Variants in SH3RF3 observed in about 807,000 individuals in gnomAD.
The protein encoded by SH3RF3 is SH3 domain containing ring finger 3.
A neutral mutation model predicts 66.3 loss-of-function variants in SH3RF3; 29 were observed. The observed-to-expected ratio is 0.44, with a 90% CI of 0.33 to 0.60. The LOEUF is 0.60. SH3RF3 is among the 20% of genes least tolerant of loss of function. The pLI is 0.04. For synonymous variants in SH3RF3, 583 were observed against 532.0 expected (o/e 1.10, Z -1.32); for missense variants, 1,194 against 1,190.9 (o/e 1.00, Z -0.04).
chr2:109,150,724 C>T (rs1395412566), intron 1 of SH3RF3, among the ~76,000 whole-genome samples: 5 of 152,024 alleles, frequency 3.3e-5, no homozygotes, highest in Non-Finnish European at 7.4e-5. Flanking sequence ...TTTCACAGAG[C>T]AGGAAGTGGA....
intron 1 of SH3RF3, among the ~76,000 whole-genome samples, chr2:109,152,756 G>T (rs376366938): frequency 2.0e-5 from 3 of 152,262 alleles, no homozygotes; most frequent in African/African-American, 7.2e-5. Context: ...AGGGGCGGGG[G>T]GGACCCAGTG....
chr2:109,153,065 A>G (rs1677259185), intron 1 of SH3RF3, among the ~76,000 whole-genome samples: 1 of 152,206 alleles, frequency 6.6e-6, no homozygotes, highest in Non-Finnish European at 1.5e-5. Flanking sequence ...GACCATCTGC[A>G]AAGACAAGAC....
intron 1 of SH3RF3, among the ~76,000 whole-genome samples, chr2:109,274,995 GC>G (rs779499784): frequency 6.6e-6 from 1 of 152,084 alleles, no homozygotes; most frequent in Non-Finnish European, 1.5e-5. Flanking sequence ...CAATAAAAGA[GC>G]TAGTTCTAAG....
chr2:109,347,529 A>T, intron 1 of SH3RF3, 145 bp from the exon 2 acceptor site: 1 of 1,113,168 alleles, frequency 9.0e-7, no homozygotes, highest in Non-Finnish European at 1.3e-6. Flanking sequence ...CTGTTTCTTT[A>T]AAATATTTTC....
intron 1 of SH3RF3, among the ~76,000 whole-genome samples, chr2:109,314,013 G>C (rs1681804209): frequency 6.6e-6 from 1 of 152,182 alleles, no homozygotes; most frequent in African/African-American, 2.4e-5. Flanking sequence ...GGAGTACCAG[G>C]CTGTGGGACA....
At chr2:109,144,122 G>T (rs1467378071) in intron 1 of SH3RF3, among the ~76,000 whole-genome samples, 1 of 152,204 alleles carries the variant, frequency 6.6e-6, no homozygotes, top group Non-Finnish European at 1.5e-5. Context: ...GAGTTCTACT[G>T]TGCAGCATGG....
At chr2:109,440,882 G>A (rs1448273690) in intron 7 of SH3RF3, among the ~76,000 whole-genome samples, 1 of 152,114 alleles carries the variant, frequency 6.6e-6, no homozygotes, top group Non-Finnish European at 1.5e-5. Flanking sequence ...AAGAAAGAAA[G>A]GATTAGTGCT....
chr2:109,210,029 A>G (rs757889086), intron 1 of SH3RF3, among the ~76,000 whole-genome samples: 8 of 152,264 alleles, frequency 5.3e-5, no homozygotes, highest in East Asian at 1.9e-4. Context: ...GTGAATGACT[A>G]TTCTAGGGAC....
intron 1 of SH3RF3, among the ~76,000 whole-genome samples, chr2:109,200,697 G>T (rs1425776331): frequency 2.6e-5 from 4 of 152,100 alleles, no homozygotes; most frequent in African/African-American, 4.8e-5. Flanking sequence ...CCTGCACTCC[G>T]GTTGGTTCAC....
chr2:109,480,748 C>T (rs969239599), intron 8 of SH3RF3, among the ~76,000 whole-genome samples: 6 of 152,106 alleles, frequency 3.9e-5, no homozygotes, highest in East Asian at 1.9e-4. Context: ...CTCCTGGATC[C>T]CCTGGGCTCA....
chr2:109,257,001 G>A (rs1437471646), intron 1 of SH3RF3, among the ~76,000 whole-genome samples: 1 of 152,212 alleles, frequency 6.6e-6, no homozygotes, highest in Non-Finnish European at 1.5e-5. Context: ...CAGACAGCCT[G>A]TGACCAGGCA....
intron 1 of SH3RF3, among the ~76,000 whole-genome samples, chr2:109,216,034 G>A (rs1679095590): frequency 6.6e-6 from 1 of 152,152 alleles, no homozygotes; most frequent in South Asian, 2.1e-4. Flanking sequence ...TCATGGGGGA[G>A]CTGGGGCAGG....
At chr2:109,441,375 T>C (rs1003248814) in intron 7 of SH3RF3, among the ~76,000 whole-genome samples, 3 of 152,090 alleles carry the variant, frequency 2.0e-5, no homozygotes, top group Non-Finnish European at 4.4e-5. Context: ...ATCACACTTC[T>C]AGAAATAAAA....
intron 8 of SH3RF3, among the ~76,000 whole-genome samples, chr2:109,456,362 CCAT>C (rs2104664997): frequency 6.6e-6 from 1 of 152,336 alleles, no homozygotes; most frequent in East Asian, 1.9e-4. Flanking sequence ...GAAAATGAAC[CCAT>C]CCTGAAAGCG....
chr2:109,445,460 G>A (rs372664951), intron 7 of SH3RF3, among the ~76,000 whole-genome samples: 3 of 152,094 alleles, frequency 2.0e-5, no homozygotes, highest in Admixed American at 2.0e-4. Flanking sequence ...TACTTACATA[G>A]AAATGAATAA....
intron 4 of SH3RF3, among the ~76,000 whole-genome samples, chr2:109,417,470 T>C (rs950783861): frequency 3.9e-5 from 6 of 152,218 alleles, no homozygotes; most frequent in African/African-American, 1.4e-4. Context: ...CTTCCAGCCC[T>C]GTTCTCACAC....
In SH3RF3 at chr2:109,234,118, C is replaced by T. The variant is rs187231371; in HGVS notation, c.573+104005C>T. On this transcript the variant is annotated intron_variant, in intron 1 of 9. Coordinates refer to ENST00000309415, the MANE Select transcript of SH3RF3 (RefSeq NM_001099289.3). ...ATAAGGTGAATGTGTGTTTAATTTC[C>T]TTATAGGAAATGCCAGATTGTTTTT... Among the ~76,000 whole-genome samples, 217 of 152,218 alleles carry T rather than the reference C, an allele frequency of 1.4e-3. 1 individual carries two copies. Among genetic ancestry groups the T allele is most frequent in the African/African-American group, 4.4e-3 (183 of 41,532 alleles).
intron 3 of SH3RF3, among the ~76,000 whole-genome samples, chr2:109,380,949 T>G (rs1167959047): frequency 2.0e-5 from 3 of 152,252 alleles, no homozygotes; most frequent in Non-Finnish European, 2.9e-5. Context: ...GCTGCATGCA[T>G]GTAGACCAGC....
At chr2:109,395,303 G>C (rs920592620) in intron 3 of SH3RF3, among the ~76,000 whole-genome samples, 3 of 152,244 alleles carry the variant, frequency 2.0e-5, no homozygotes, top group Non-Finnish European at 4.4e-5. Context: ...TGGGCTTTCA[G>C]AACGAAGACT....
Sources: allele counts gnomAD v4.1 joint callset (sites outside exome capture counted in the v4.1 genomes callset), GRCh38; gene constraint gnomAD v4.1.1; transcripts MANE v1.5; gene names NCBI Gene and HGNC (gene_info 2026-07-23, HGNC 2026-07-21).